TMEM266: variants seen among roughly 807,000 people sequenced by gnomAD.
TMEM266 encodes the protein transmembrane protein 266, also known as Hv1 related protein 1.
TMEM266 carries 33 observed loss-of-function variants against 50.5 expected under a neutral mutation model. The observed-to-expected ratio is 0.65, with a 90% CI of 0.50 to 0.87. TMEM266 has a LOEUF of 0.87. TMEM266 is among the 40% of genes least tolerant of loss of function. The pLI is 0.00. For synonymous variants in TMEM266, 310 were observed against 292.3 expected, an observed-to-expected ratio of 1.06 and a Z score of -0.62; for missense variants, 655 against 695.1, an observed-to-expected ratio of 0.94 and a Z score of 0.65.
Position 76,160,010 on chromosome 15 carries a change from A to T in TMEM266, c.383-85A>T. ...ATGCAGGCGGGCCCCGGGGTCCCAG[A>T]GGTCTGGACGGATGCTGCGAAGCCC... On this transcript the variant is annotated intron_variant, in intron 4 of 10. Transcript: ENST00000388942. This position sits in a 1 kb window ranked among gnomAD's most constrained non-coding sequence, Gnocchi z 5.7. The T allele has an allele frequency of 7.5e-7, 1 of 1,335,298 alleles. No individual in the cohort carries two copies. Among genetic ancestry groups the T allele is most frequent in the South Asian group, 1.3e-5 (1 of 79,704 alleles). 82.7% of individuals were successfully genotyped at this position (1,335,298 alleles called of 1,614,324 possible).
intron 1 of TMEM266, among the ~76,000 whole-genome samples, chr15:76,104,924 T>G (rs2037058308): frequency 6.7e-6 from 1 of 149,716 alleles, no homozygotes; most frequent in Non-Finnish European, 1.5e-5. Context: ...CAATCTTTTC[T>G]TATTGAAAGT....
At chr15:76,146,589 C>T (rs1051749533) in intron 3 of TMEM266, among the ~76,000 whole-genome samples, 4 of 152,044 alleles carry the variant, frequency 2.6e-5, no homozygotes, top group African/African-American at 7.3e-5. Context: ...GGATATTTTT[C>T]GGGATTTCAG....
At chr15:76,158,664 G>A (rs761198474) in intron 4 of TMEM266, among the ~76,000 whole-genome samples, 9 of 152,272 alleles carry the variant, frequency 5.9e-5, no homozygotes, top group Admixed American at 2.6e-4. Context: ...AAAGCAAACC[G>A]TAAAAAAAGG....
chr15:76,194,934 G>A (rs1423172527), intron 9 of TMEM266, among the ~76,000 whole-genome samples: 1 of 152,110 alleles, frequency 6.6e-6, no homozygotes, highest in Non-Finnish European at 1.5e-5. Context: ...CTTAAGAGGG[G>A]GCAGGCACAT....
chr15:76,145,427 G>T (rs1169298065), intron 3 of TMEM266, among the ~76,000 whole-genome samples: 2 of 152,150 alleles, frequency 1.3e-5, no homozygotes, highest in Non-Finnish European at 2.9e-5. Context: ...TTCATGTCTG[G>T]CAGGTGAGAG....
intron 1 of TMEM266, among the ~76,000 whole-genome samples, chr15:76,071,023 G>A (rs1458654223): frequency 2.0e-5 from 3 of 152,190 alleles, no homozygotes; most frequent in Non-Finnish European, 4.4e-5. Flanking sequence ...TTGTCCCGGG[G>A]AAGAAGCAAC....
chr15:76,199,410 C>T (rs2038704868), intron 9 of TMEM266, among the ~76,000 whole-genome samples: 1 of 152,216 alleles, frequency 6.6e-6, no homozygotes, highest in Non-Finnish European at 1.5e-5. Flanking sequence ...AGGATGTCTC[C>T]AGCAGGCTGA....
At chr15:76,159,759 C>A (rs1289617282) in intron 4 of TMEM266, among the ~76,000 whole-genome samples, 1 of 152,042 alleles carries the variant, frequency 6.6e-6, no homozygotes, top group African/African-American at 2.4e-5. Context: ...TCTTCATGAG[C>A]CCCTTCTGGA....
intron 5 of TMEM266, among the ~76,000 whole-genome samples, chr15:76,164,228 C>A (rs1596145491): frequency 6.6e-6 from 1 of 152,298 alleles, no homozygotes; most frequent in East Asian, 1.9e-4. Flanking sequence ...CTTTTCGAGA[C>A]AGGGTCTCAC....
At chr15:76,126,291 C>G (rs1353787429) in intron 1 of TMEM266, among the ~76,000 whole-genome samples, 2 of 150,868 alleles carry the variant, frequency 1.3e-5, no homozygotes, top group Non-Finnish European at 3.0e-5. Flanking sequence ...CAGCACTATT[C>G]ACAATGTCCA....
chr15:76,092,730 C>G (rs1260032434), intron 1 of TMEM266, among the ~76,000 whole-genome samples: 1 of 150,338 alleles, frequency 6.7e-6, no homozygotes, highest in Non-Finnish European at 1.5e-5. Flanking sequence ...GTCACTGAAT[C>G]TATACTATGT....
At chr15:76,080,288 A>G (rs1357757016) in intron 1 of TMEM266, among the ~76,000 whole-genome samples, 1 of 710 alleles carries the variant, frequency 1.4e-3, no homozygotes, top group Non-Finnish European at 3.1e-3. Flanking sequence ...GATTGCTTGA[A>G]CCCAGGAGGC....
At chr15:76,084,602 T>TTTG (rs1567144895) in intron 1 of TMEM266, among the ~76,000 whole-genome samples, 32 of 149,188 alleles carry the variant, frequency 2.1e-4, no homozygotes, top group African/African-American at 7.8e-4. Context: ...TTTTTGGTTT[T>TTTG]TTTTTTTTTG....
chr15:76,200,741 T>C (rs1022959385), intron 9 of TMEM266, among the ~76,000 whole-genome samples: 2 of 152,190 alleles, frequency 1.3e-5, no homozygotes, highest in East Asian at 1.9e-4. Flanking sequence ...CTAGACAGCA[T>C]TGGCAGTACA....
chr15:76,168,999 A>G lies in TMEM266; in HGVS notation c.457-817A>G, dbSNP rs151017816. 1.6e-4 allele frequency among the ~76,000 whole-genome samples: 24 copies of G among 152,304 alleles called. No homozygotes were observed. The highest frequency in any genetic ancestry group is 2.9e-4 in the Non-Finnish European group (20 of 68,028). On this transcript the variant is annotated intron_variant, in intron 5 of 10. Transcript: ENST00000388942. This position sits in a 1 kb window ranked among gnomAD's most constrained non-coding sequence, Gnocchi z 4.4. ...ACAAGGCAAGGTCCATTTCTCTCTC[A>G]CGGAAAAACACATTAAGTGGATAGG...
Position 76,161,686 on chromosome 15 carries a change from A to G in TMEM266, c.456+1518A>G, listed in dbSNP as rs910608762. On this transcript the variant is annotated intron_variant, in intron 5 of 10. Transcript: ENST00000388942. The surrounding 1 kb of genome is among the most constrained non-coding windows in gnomAD (Gnocchi z 4.1). ...GGGCAGATCGCAGCACTGCCCTCCC[A>G]GAAGGGGTCCTAACCACCTCCCTGA... is the stretch of plus-strand genomic sequence containing the variant. 6.6e-6 allele frequency among the ~76,000 whole-genome samples: 1 copy of G among 152,150 alleles called. No homozygotes were observed. Among genetic ancestry groups the G allele is most frequent in the Non-Finnish European group, 1.5e-5 (1 of 68,018 alleles).
At chr15:76,086,931 G>C (rs543173710) in intron 1 of TMEM266, among the ~76,000 whole-genome samples, 18 of 99,024 alleles carry the variant, frequency 1.8e-4, no homozygotes, top group Admixed American at 4.1e-4. Context: ...AGCAGGTCGG[G>C]GGGGGGGCGG....
chr15:76,170,934 AC>A, intron 6 of TMEM266, 58 bp from the exon 7 acceptor site: 1 of 1,541,634 alleles, frequency 6.5e-7, no homozygotes, highest in Non-Finnish European at 8.8e-7. Flanking sequence ...TGCCTGACTG[AC>A]CCCTGGTCCC....
intron 1 of TMEM266, among the ~76,000 whole-genome samples, chr15:76,114,683 C>G (rs958914661): frequency 3.3e-5 from 5 of 151,776 alleles, no homozygotes; most frequent in African/African-American, 1.2e-4. Flanking sequence ...AGTTTTTTGT[C>G]TTCTGTTTTT....
Sources: allele counts gnomAD v4.1 joint callset (sites outside exome capture counted in the v4.1 genomes callset), GRCh38; gene constraint gnomAD v4.1.1; non-coding constraint Gnocchi (gnomAD v3.1); transcripts MANE v1.5; gene names NCBI Gene and HGNC (gene_info 2026-07-23, HGNC 2026-07-21).